Variants in PRKN observed in about 807,000 individuals in gnomAD.
PRKN encodes E3 ubiquitin-protein ligase parkin.
A neutral mutation model predicts 59.5 loss-of-function variants in PRKN; 56 were observed. The ratio of observed to expected loss-of-function variants is 0.94; its 90% CI spans 0.76 to 1.18. The LOEUF is 1.18. PRKN is among the 50% of genes most tolerant of loss of function. The pLI is 0.00. For synonymous variants in PRKN, 250 were observed against 222.1 expected, an observed-to-expected ratio of 1.13 and a Z score of -1.12; for missense variants, 657 against 596.4, an observed-to-expected ratio of 1.10 and a Z score of -1.06.
chr6:162,621,257 T>C (rs1319952266), intron 1 of PRKN, among the ~76,000 whole-genome samples: 2 of 152,150 alleles, frequency 1.3e-5, no homozygotes, highest in African/African-American at 4.8e-5. Context: ...CTTTGGCCCA[T>C]GGGACAGTAC....
intron 3 of PRKN, among the ~76,000 whole-genome samples, chr6:162,209,908 G>A (rs1785125342): frequency 6.6e-6 from 1 of 151,396 alleles, no homozygotes; most frequent in South Asian, 2.1e-4. Context: ...ATTGAACAAT[G>A]AGAACACTTG....
At chr6:162,217,329 T>C (rs1440200842) in intron 3 of PRKN, among the ~76,000 whole-genome samples, 1 of 152,154 alleles carries the variant, frequency 6.6e-6, no homozygotes, top group African/African-American at 2.4e-5. Context: ...TCCTTCTCCT[T>C]ACTGCTCTGG....
intron 5 of PRKN, among the ~76,000 whole-genome samples, chr6:162,053,698 G>C (rs1038476327): frequency 6.6e-6 from 1 of 152,138 alleles, no homozygotes; most frequent in Non-Finnish European, 1.5e-5. Flanking sequence ...AATTTTGAAT[G>C]ATGGGGAATA....
Position 162,301,537 on chromosome 6 carries a change from T to C in PRKN, c.172-38772A>G, listed in dbSNP as rs73598169. Among the ~76,000 whole-genome samples the C allele has an allele frequency of 9.8e-3, 1,496 of 152,218 alleles. 31 individuals are homozygous for C. Among genetic ancestry groups the C allele is most frequent in the African/African-American group, 0.034 (1,415 of 41,530 alleles). ...TCCAAAATCAAAGTATCTGGACGTT[T>C]GGTTTCTCCTGAGGCCTCCTGCGTT... On this transcript the variant is annotated intron_variant, in intron 2 of 11. Coordinates refer to ENST00000366898, the MANE Select transcript of PRKN (RefSeq NM_004562.3).
chr6:161,533,919 T>C lies in PRKN; in HGVS notation c.1083+14935A>G, dbSNP rs1423212327. 1.3e-5 allele frequency among the ~76,000 whole-genome samples: 2 copies of C among 152,118 alleles called. No individual in the cohort carries two copies. Among genetic ancestry groups the C allele is most frequent in the East Asian group, 1.9e-4 (1 of 5,178 alleles). On this transcript the variant is annotated intron_variant, in intron 9 of 11. Coordinates refer to ENST00000366898, the MANE Select transcript of PRKN (RefSeq NM_004562.3). This position sits in a 1 kb window ranked among gnomAD's most constrained non-coding sequence, Gnocchi z 4.1. ...AAACAGCGATTCCTGTTTTATAAGG[T>C]AGGAAGGCTGTATATTCACACGACA...
At chr6:161,704,000 C>A (rs1054488017) in intron 7 of PRKN, among the ~76,000 whole-genome samples, 1 of 151,874 alleles carries the variant, frequency 6.6e-6, no homozygotes, top group Admixed American at 6.6e-5. Flanking sequence ...GGATTACAGG[C>A]ATGCACCACC....
intron 11 of PRKN, among the ~76,000 whole-genome samples, chr6:161,350,621 T>C (rs868339433): frequency 8.9e-6 from 1 of 112,518 alleles, no homozygotes; most frequent in Non-Finnish European, 1.7e-5. Flanking sequence ...AAAATATATA[T>C]ATTTTTATAT....
At position 161,356,557 on chromosome 6, in the gene PRKN, A is replaced by G. The variant is rs996737599; in HGVS notation, c.1285+3531T>C. ...TGCTTGGAAGAGGAGGCGGGCAAGC[A>G]GGGCACTGGCTGGGGACGTGGAGTC... On this transcript the variant is annotated intron_variant, in intron 11 of 11. Transcript: ENST00000366898. The surrounding 1 kb of genome is among the most constrained non-coding windows in gnomAD (Gnocchi z 7.8). Among the ~76,000 whole-genome samples the G allele has an allele frequency of 1.3e-5, 2 of 152,148 alleles. No homozygotes were observed. Among genetic ancestry groups the G allele is most frequent in the Admixed American group, 1.3e-4 (2 of 15,268 alleles).
At chr6:161,651,298 GTA>G (rs1231454402) in intron 7 of PRKN, among the ~76,000 whole-genome samples, 1 of 152,126 alleles carries the variant, frequency 6.6e-6, no homozygotes, top group Non-Finnish European at 1.5e-5. Context: ...CTAATTATCT[GTA>G]CTCTTCTTGG....
chr6:162,163,585 G>A (rs989980295), intron 4 of PRKN, among the ~76,000 whole-genome samples: 2 of 149,260 alleles, frequency 1.3e-5, no homozygotes, highest in Admixed American at 6.7e-5. Context: ...TCCAGTGACT[G>A]TATGAGAACA....
intron 5 of PRKN, among the ~76,000 whole-genome samples, chr6:161,989,670 C>T (rs549217173): frequency 2.0e-5 from 3 of 152,318 alleles, no homozygotes; most frequent in South Asian, 4.1e-4. Flanking sequence ...CCTGATGCTA[C>T]CACTGACAGT....
chr6:162,453,159 G>T (rs1244113013), intron 1 of PRKN, among the ~76,000 whole-genome samples: 2 of 152,074 alleles, frequency 1.3e-5, no homozygotes, highest in African/African-American at 4.8e-5. Flanking sequence ...CCACTTCCAG[G>T]TTCCCCGGCT....
chr6:162,557,894 A>G (rs1333171022), intron 1 of PRKN, among the ~76,000 whole-genome samples: 1 of 152,156 alleles, frequency 6.6e-6, no homozygotes, highest in African/African-American at 2.4e-5. Flanking sequence ...ATCAGGCTTT[A>G]CCAAATTCTT....
chr6:162,033,058 C>T lies in PRKN; in HGVS notation c.618+21033G>A, dbSNP rs562211207. 3.9e-5 allele frequency among the ~76,000 whole-genome samples: 6 copies of T among 152,274 alleles called. No homozygotes were observed. In the South Asian group the frequency reaches 1.2e-3, roughly 32 times the overall value. ...TTTAGAGAATTCTTGCCCAATCTTT[C>T]TGCCTCTTTTATTCCAGACACTGGC... On this transcript the variant is annotated intron_variant, in intron 5 of 11. Coordinates refer to ENST00000366898, the MANE Select transcript of PRKN (RefSeq NM_004562.3).
At chr6:162,513,509 A>G (rs1416324399) in intron 1 of PRKN, among the ~76,000 whole-genome samples, 1 of 148,864 alleles carries the variant, frequency 6.7e-6, no homozygotes, top group African/African-American at 2.5e-5. Flanking sequence ...AGAAAGAGAG[A>G]AAGAAGGAAA....
rs1786760525 is a variant in PRKN at position 161,396,370 on chromosome 6, C to G, written c.1084-9493G>C. 6.6e-6 allele frequency among the ~76,000 whole-genome samples: 1 copy of G among 152,154 alleles called. No homozygotes were observed. Among genetic ancestry groups the G allele is most frequent in the Non-Finnish European group, 1.5e-5 (1 of 68,028 alleles). On this transcript the variant is annotated intron_variant, in intron 9 of 11. Transcript: ENST00000366898. The surrounding 1 kb of genome is among the most constrained non-coding windows in gnomAD (Gnocchi z 5.4). The stretch of plus-strand genomic sequence containing the variant: ...AAATTTCAATATCTAACTGAGAATT[C>G]CCTTTACCATCCTGCAAGGCCTGCC...
intron 2 of PRKN, among the ~76,000 whole-genome samples, chr6:162,436,967 C>T (rs1789803192): frequency 6.6e-6 from 1 of 152,052 alleles, no homozygotes. Flanking sequence ...TAGCGGGCGC[C>T]TGTAATCCCA....
intron 6 of PRKN, among the ~76,000 whole-genome samples, chr6:161,790,970 C>T (rs375819326): frequency 3.3e-5 from 5 of 152,072 alleles, no homozygotes; most frequent in African/African-American, 7.2e-5. Flanking sequence ...AGAAGAAGAA[C>T]GGGTGACATT....
intron 8 of PRKN, among the ~76,000 whole-genome samples, chr6:161,553,069 GT>G (rs1184064137): frequency 6.6e-6 from 1 of 150,924 alleles, no homozygotes; most frequent in African/African-American, 2.4e-5. Context: ...TCACTCTCTT[GT>G]TTTTCTTTAT....
Sources: allele counts gnomAD v4.1 joint callset (sites outside exome capture counted in the v4.1 genomes callset), GRCh38; gene constraint gnomAD v4.1.1; non-coding constraint Gnocchi (gnomAD v3.1); transcripts MANE v1.5; gene names NCBI Gene and HGNC (gene_info 2026-07-23, HGNC 2026-07-21).